Variants in C2orf49 observed in about 807,000 individuals in gnomAD.
C2orf49 encodes tRNA-splicing ligase complex subunit ASW.
C2orf49 carries 11 observed loss-of-function variants against 20.6 expected under a neutral mutation model. That is an observed-to-expected ratio of 0.53 (90% CI 0.34 to 0.88). The LOEUF is 0.88. Among genes scored for constraint, C2orf49 ranks in the 40% least tolerant of loss-of-function variants. The pLI, the probability that C2orf49 is intolerant of heterozygous loss-of-function variation, is 0.02. For synonymous variants in C2orf49, 134 were observed against 108.5 expected (o/e 1.24, Z -1.46); for missense variants, 289 against 274.2 (o/e 1.05, Z -0.38).
the C2orf49 span, chr2:105,359,965 G>GTGTC: frequency 6.6e-6 from 1 of 152,180 alleles, no homozygotes; most frequent in African/African-American, 2.4e-5. Flanking sequence ...TTATGTTACT[G>GTGTC]TGTCAAATGC....
the C2orf49 span, among the ~76,000 whole-genome samples, chr2:105,363,714 C>T: frequency 6.6e-6 from 1 of 152,216 alleles, no homozygotes; most frequent in Non-Finnish European, 1.5e-5. Flanking sequence ...CTCAGCCCTT[C>T]CCAGGGATGC....
At chr2:105,369,797 T>C in the C2orf49 span, among the ~76,000 whole-genome samples, 6 of 152,332 alleles carry the variant, frequency 3.9e-5, no homozygotes, top group Admixed American at 3.9e-4. Flanking sequence ...ATTATGACTC[T>C]CATGGCATTC....
downstream of C2orf49, among the ~76,000 whole-genome samples, chr2:105,352,429 G>GTTTTTTTTTTTTTTTTTTTTTTTTTTTT (rs61585149): frequency 2.5e-5 from 2 of 80,758 alleles, no homozygotes; most frequent in Non-Finnish European, 4.3e-5. Flanking sequence ...GTTTGTTTGG[G>GTTTTTTTTTTTTTTTTTTTTTTTTTTTT]TTTTTTTTTT....
the C2orf49 span, among the ~76,000 whole-genome samples, chr2:105,370,550 T>C: frequency 6.6e-6 from 1 of 152,212 alleles, no homozygotes; most frequent in East Asian, 1.9e-4. Flanking sequence ...AGTTTCCTGA[T>C]TGGTCATCAG....
At chr2:105,363,743 G>A in the C2orf49 span, among the ~76,000 whole-genome samples, 1 of 152,184 alleles carries the variant, frequency 6.6e-6, no homozygotes, top group South Asian at 2.1e-4. Context: ...TAAGGCATAG[G>A]GTGCCTCAGT....
chr2:105,340,653 T>C (rs1344216067), intron 2 of C2orf49, among the ~76,000 whole-genome samples: 2 of 152,238 alleles, frequency 1.3e-5, no homozygotes, highest in African/African-American at 4.8e-5. Flanking sequence ...TCAAAAACAG[T>C]TTTATAAAAC....
chr2:105,368,953 G>A, the C2orf49 span, among the ~76,000 whole-genome samples: 6 of 152,174 alleles, frequency 3.9e-5, no homozygotes, highest in Non-Finnish European at 5.9e-5. Flanking sequence ...ACACAGCCAC[G>A]CCCATTAATT....
Position 105,349,085 on chromosome 2 carries a change from A to T in C2orf49, c.*3714A>T, listed in dbSNP as rs888696931. ...ATATTAAAGCTCTTAACAAAATGAG[A>T]CAAACTAGAGATTCAGTTGAGAGAT... On this transcript the variant is annotated 3_prime_UTR_variant, in exon 4 of 4. Coordinates refer to ENST00000258457, the MANE Select transcript of C2orf49 (RefSeq NM_024093.3). The T allele has an allele frequency of 2.0e-5, 3 of 152,228 alleles. No homozygotes were observed. Among genetic ancestry groups the T allele is most frequent in the Non-Finnish European group, 4.4e-5 (3 of 68,044 alleles). 9.4% of individuals were successfully genotyped at this position (152,228 alleles called of 1,614,324 possible).
At chr2:105,358,600 C>T in the C2orf49 span, 1 of 152,212 alleles carries the variant, frequency 6.6e-6, no homozygotes, top group Non-Finnish European at 1.5e-5. Flanking sequence ...ACTCACTGTT[C>T]TTTCTAAGAC....
At chr2:105,339,808 T>G in intron 2 of C2orf49, 59 bp downstream of exon 2, 1 of 1,377,772 alleles carries the variant, frequency 7.3e-7, no homozygotes, top group Non-Finnish European at 9.6e-7. Context: ...TATATATAAG[T>G]TATTGATTTT....
At chr2:105,366,476 G>A in the C2orf49 span, among the ~76,000 whole-genome samples, 1 of 152,196 alleles carries the variant, frequency 6.6e-6, no homozygotes, top group Non-Finnish European at 1.5e-5. Flanking sequence ...GCGCTGCCCA[G>A]GGCGAGTGAG....
In C2orf49 at chr2:105,345,323, G is replaced by GA; in HGVS notation, c.653dup (p.Pro219AlafsTer51). ...CTGTTCATGTCTTTCAGAATAACCT[G>GA]AAGCCCCCACAAGCAAAAAGGAAGA... is the stretch of plus-strand genomic sequence containing the variant. On this transcript the variant is annotated frameshift_variant, in exon 4 of 4. Coordinates refer to ENST00000258457, the MANE Select transcript of C2orf49 (RefSeq NM_024093.3). LOFTEE classifies it high-confidence loss of function. 1 of 1,612,412 alleles carries GA rather than the reference G, an allele frequency of 6.2e-7. No individual in the cohort carries two copies. Among genetic ancestry groups the GA allele is most frequent in the Non-Finnish European group, 8.5e-7 (1 of 1,179,562 alleles).
At chr2:105,370,434 C>G in the C2orf49 span, among the ~76,000 whole-genome samples, 4 of 151,752 alleles carry the variant, frequency 2.6e-5, no homozygotes, top group African/African-American at 4.8e-5. Flanking sequence ...GAGACAGAAT[C>G]GCTACTTGAG....
chr2:105,367,500 A>T, the C2orf49 span: 1 of 1,477,038 alleles, frequency 6.8e-7, no homozygotes, highest in Non-Finnish European at 9.2e-7. Context: ...TTGGAAAGAG[A>T]ACTGACAGAC....
chr2:105,380,155 T>C, the C2orf49 span, among the ~76,000 whole-genome samples: 1 of 152,162 alleles, frequency 6.6e-6, no homozygotes, highest in African/African-American at 2.4e-5. Flanking sequence ...GTTTTAGAGA[T>C]CTTGGCCAAC....
At position 105,347,715 on chromosome 2, in the gene C2orf49, A is replaced by G. The variant is rs1184307754; in HGVS notation, c.*2344A>G. 6.6e-6 allele frequency: 1 copy of G among 152,234 alleles called. No homozygotes were observed. Among genetic ancestry groups the G allele is most frequent in the Non-Finnish European group, 1.5e-5 (1 of 68,052 alleles). The allele number at this position is 152,234 out of a possible 1,614,324, so 9.4% of individuals were successfully genotyped here. On this transcript the variant is annotated 3_prime_UTR_variant, in exon 4 of 4. Transcript: ENST00000258457. ...AATGTCTTTCTCCACATAATGAAGCATGCTGAATGCTGGGAATCTGGAGCA... is the reference window on the plus strand; with the variant it reads ...AATGTCTTTCTCCACATAATGAAGCGTGCTGAATGCTGGGAATCTGGAGCA...
the C2orf49 span, chr2:105,377,681 A>G: frequency 5.6e-6 from 1 of 179,726 alleles, no homozygotes; most frequent in Non-Finnish European, 1.2e-5. Flanking sequence ...CAGGTAAAAA[A>G]CACCGTTTCA....
At chr2:105,357,005 A>G in the C2orf49 span, among the ~76,000 whole-genome samples, 1 of 152,052 alleles carries the variant, frequency 6.6e-6, no homozygotes, top group African/African-American at 2.4e-5. Flanking sequence ...GGCTGTTCAC[A>G]GGTGCTGTTT....
At chr2:105,381,957 A>C in the C2orf49 span, among the ~76,000 whole-genome samples, 1 of 152,164 alleles carries the variant, frequency 6.6e-6, no homozygotes, top group African/African-American at 2.4e-5. Context: ...TTCAAACCTG[A>C]CCTTACACCT....
Sources: gnomAD v4.1 joint callset for allele counts (sites outside exome capture counted in the v4.1 genomes callset) on GRCh38, gnomAD v4.1.1 for gene constraint, MANE v1.5 for transcripts, NCBI Gene and HGNC (gene_info 2026-07-23, HGNC 2026-07-21) for gene names.